CPNE4: variants seen among roughly 807,000 people sequenced by gnomAD.
CPNE4 encodes copine-4.
Under a neutral mutation model 67.9 loss-of-function variants are expected in CPNE4, and 25 were observed. The ratio of observed to expected loss-of-function variants is 0.37; its 90% CI spans 0.27 to 0.51. The LOEUF is 0.51. Among genes scored for constraint, CPNE4 ranks in the 20% least tolerant of loss-of-function variants. The pLI is 0.93. For synonymous variants in CPNE4, 242 were observed against 244.9 expected, an observed-to-expected ratio of 0.99 and a Z score of 0.11; for missense variants, 464 against 690.8, an observed-to-expected ratio of 0.67 and a Z score of 3.68.
At chr3:132,003,905 G>T (rs1418373291) in intron 1 of CPNE4, among the ~76,000 whole-genome samples, 4 of 152,056 alleles carry the variant, frequency 2.6e-5, no homozygotes, top group African/African-American at 9.7e-5. Context: ...CATTTTAATT[G>T]CAAGATGGCA....
At chr3:131,694,024 A>G (rs1052162206) in intron 5 of CPNE4, among the ~76,000 whole-genome samples, 4 of 152,072 alleles carry the variant, frequency 2.6e-5, no homozygotes, top group Admixed American at 2.6e-4. Flanking sequence ...TTTCTACCTA[A>G]AGTATGTAGA....
At chr3:131,667,823 C>T (rs34364046) in intron 7 of CPNE4, among the ~76,000 whole-genome samples, 53,220 of 151,872 alleles carry the variant, frequency 0.35, 11,113 homozygotes, top group Non-Finnish European at 0.48. Context: ...CTCCTTTTAT[C>T]CTCCTCATAA....
intron 2 of CPNE4, among the ~76,000 whole-genome samples, chr3:131,794,089 C>A (rs546049821): frequency 6.6e-6 from 1 of 152,220 alleles, no homozygotes; most frequent in Non-Finnish European, 1.5e-5. Context: ...AAGGTCTTAA[C>A]ATGCCATGCA....
intron 1 of CPNE4, among the ~76,000 whole-genome samples, chr3:132,020,130 C>A (rs1220549193): frequency 2.0e-5 from 3 of 152,250 alleles, no homozygotes; most frequent in African/African-American, 7.2e-5. Flanking sequence ...CCGTCCTGCA[C>A]ATGGGAGACA....
intron 1 of CPNE4, among the ~76,000 whole-genome samples, chr3:132,026,086 T>C (rs1035692496): frequency 2.6e-5 from 4 of 152,168 alleles, no homozygotes; most frequent in Non-Finnish European, 5.9e-5. Flanking sequence ...TATGATAAAG[T>C]CAATAATCAA....
intron 2 of CPNE4, among the ~76,000 whole-genome samples, chr3:131,903,063 CTGA>C (rs2107769906): frequency 6.6e-6 from 1 of 152,210 alleles, no homozygotes; most frequent in African/African-American, 2.4e-5. Flanking sequence ...AGAGAAGTGG[CTGA>C]TATCACATAT....
intron 1 of CPNE4, among the ~76,000 whole-genome samples, chr3:132,028,738 A>T (rs1247592770): frequency 1.3e-5 from 2 of 152,198 alleles, no homozygotes; most frequent in Non-Finnish European, 2.9e-5. Flanking sequence ...CACTACCCAC[A>T]TAGGAGCATT....
intron 7 of CPNE4, among the ~76,000 whole-genome samples, chr3:131,591,748 C>A (rs73874151): frequency 0.12 from 18,959 of 152,168 alleles, 1,554 homozygotes; most frequent in African/African-American, 0.23. Context: ...TGAAACAGAC[C>A]AATAAAAACA....
intron 1 of CPNE4, among the ~76,000 whole-genome samples, chr3:132,020,150 G>A (rs563009326): frequency 2.0e-4 from 31 of 152,340 alleles, no homozygotes; most frequent in Non-Finnish European, 4.0e-4. Flanking sequence ...AAGAGCTTGT[G>A]AAGGGCTTTC....
intron 2 of CPNE4, among the ~76,000 whole-genome samples, chr3:131,851,742 G>A (rs143619024): frequency 6.6e-6 from 1 of 152,146 alleles, no homozygotes; most frequent in Non-Finnish European, 1.5e-5. Flanking sequence ...GAAGAGACCT[G>A]GTTTCTATTC....
intron 1 of CPNE4, among the ~76,000 whole-genome samples, chr3:132,025,541 T>C (rs1043615075): frequency 6.6e-6 from 1 of 152,224 alleles, no homozygotes; most frequent in Non-Finnish European, 1.5e-5. Context: ...TTGTTGCTGA[T>C]ATCTACCATA....
intron 3 of CPNE4, among the ~76,000 whole-genome samples, chr3:131,708,991 T>TATATATATATATAC (rs1174377236): frequency 1.0e-5 from 1 of 99,836 alleles, no homozygotes; most frequent in African/African-American, 4.4e-5. Context: ...TATATATATA[T>TATATATATATATAC]ATATACATAC....
chr3:131,602,715 C>A (rs180752424), intron 7 of CPNE4, among the ~76,000 whole-genome samples: 14 of 152,196 alleles, frequency 9.2e-5, no homozygotes, highest in Non-Finnish European at 2.1e-4. Flanking sequence ...GTGATTTATG[C>A]CCCAGGCTTT....
At chr3:131,814,087 G>C (rs1446764091) in intron 2 of CPNE4, among the ~76,000 whole-genome samples, 3 of 152,126 alleles carry the variant, frequency 2.0e-5, no homozygotes, top group Admixed American at 2.0e-4. Flanking sequence ...AGACTGCTGA[G>C]TGTAACATAG....
chr3:131,826,619 A>G (rs1560408854), intron 2 of CPNE4, among the ~76,000 whole-genome samples: 1 of 151,904 alleles, frequency 6.6e-6, no homozygotes, highest in African/African-American at 2.4e-5. Flanking sequence ...TATCTTCCCT[A>G]TTCTTTGGAG....
intron 1 of CPNE4, among the ~76,000 whole-genome samples, chr3:131,906,097 G>A (rs974535201): frequency 7.9e-5 from 12 of 152,060 alleles, no homozygotes; most frequent in African/African-American, 2.9e-4. Flanking sequence ...TGATGGGGAG[G>A]AAAAGCACAA....
At chr3:131,631,889 ACTTTTTT>A (rs533349394) in intron 7 of CPNE4, among the ~76,000 whole-genome samples, 7 of 143,270 alleles carry the variant, frequency 4.9e-5, no homozygotes, top group African/African-American at 8.6e-5. Context: ...CCTCCCCAAC[ACTTTTTT>A]CTTTTTTCTT....
At chr3:131,853,233 G>T (rs1217329684) in intron 2 of CPNE4, among the ~76,000 whole-genome samples, 1 of 151,746 alleles carries the variant, frequency 6.6e-6, no homozygotes, top group Non-Finnish European at 1.5e-5. Flanking sequence ...ATAGATAAAT[G>T]GAAAAGGATG....
At chr3:131,786,874 A>T (rs190983445) in intron 2 of CPNE4, among the ~76,000 whole-genome samples, 1 of 152,266 alleles carries the variant, frequency 6.6e-6, no homozygotes, top group African/African-American at 2.4e-5. Flanking sequence ...GTCTGGGGAA[A>T]ATAAAAAGTC....
Sources: gnomAD v4.1 joint callset for allele counts (sites outside exome capture counted in the v4.1 genomes callset) on GRCh38, gnomAD v4.1.1 for gene constraint, MANE v1.5 for transcripts, NCBI Gene and HGNC (gene_info 2026-07-23, HGNC 2026-07-21) for gene names.